Variants in RDX observed in about 807,000 individuals in gnomAD.
RDX encodes the protein deafness, autosomal recessive 24.
Under a neutral mutation model 83.7 loss-of-function variants are expected in RDX, and 32 were observed. That is an observed-to-expected ratio of 0.38 (90% confidence interval 0.29 to 0.51). RDX has a LOEUF of 0.51. Among genes scored for constraint, RDX ranks in the 20% least tolerant of loss-of-function variants. The probability of loss-of-function intolerance (pLI) is 0.87; values close to 1 mark genes in which losing one functional copy is unlikely to be tolerated. For missense variants in RDX, 600 were observed against 689.9 expected (o/e 0.87, Z 1.46); for synonymous variants, 229 against 222.7 (o/e 1.03, Z -0.25).
chr11:110,186,936 G>A (rs1862999593), intron 15 of RDX, among the ~76,000 whole-genome samples: 1 of 152,142 alleles, frequency 6.6e-6, no homozygotes, highest in Non-Finnish European at 1.5e-5. Flanking sequence ...AGCAGGGTAG[G>A]GCCCTCCACA....
Position 110,215,048 on chromosome 11 carries a change from AAATATAT to A in RDX, c.1749-15377_1749-15371del, listed in dbSNP as rs975242249. 1.1e-4 allele frequency among the ~76,000 whole-genome samples: 8 copies of A among 74,780 alleles called. No individual in the cohort carries two copies. The South Asian group carries it at 3.2e-3, about 30-fold the overall frequency. 49.1% of individuals were successfully genotyped at this position (74,780 alleles called of 152,430 possible). A position where few individuals can be genotyped will look rare whatever the true frequency, so the allele number is the denominator to read the frequency against. ...TTAGGAGACCTAACAAAAAAAAAAA[AAATATAT>A]ATATATATATATATAATGCTTTCGG... On this transcript the variant is annotated intron_variant, in intron 14 of 15. Transcript: ENST00000528498.
intron 14 of RDX, among the ~76,000 whole-genome samples, chr11:110,223,977 A>G (rs1299704991): frequency 6.6e-6 from 1 of 152,118 alleles, no homozygotes; most frequent in Non-Finnish European, 1.5e-5. Context: ...GTGAGCCGAG[A>G]TAGCGCCATT....
At chr11:110,215,397 TAAATAAATA>T (rs1250254758) in intron 14 of RDX, among the ~76,000 whole-genome samples, 2 of 147,378 alleles carry the variant, frequency 1.4e-5, no homozygotes, top group African/African-American at 5.0e-5. Context: ...AATAAATAAA[TAAATAAATA>T]AATAAAATAA....
At chr11:110,218,385 T>C (rs757729000) in intron 14 of RDX, among the ~76,000 whole-genome samples, 1 of 152,240 alleles carries the variant, frequency 6.6e-6, no homozygotes, top group Non-Finnish European at 1.5e-5. Context: ...GTGGCACTGG[T>C]GGTCACATGC....
At chr11:110,247,352 C>T (rs186785847) in intron 10 of RDX, among the ~76,000 whole-genome samples, 73 of 152,192 alleles carry the variant, frequency 4.8e-4, no homozygotes, top group African/African-American at 1.7e-3. Flanking sequence ...TAAAGCATTG[C>T]ATACTTTTCT....
chr11:110,295,562 A>G lies in RDX; in HGVS notation c.-65+905T>C, dbSNP rs937854870. 6.1e-5 allele frequency among the ~76,000 whole-genome samples: 9 copies of G among 146,442 alleles called. No individual in the cohort carries two copies. In the East Asian group the frequency reaches 1.2e-3, roughly 19 times the overall value. ...CCAACCTAGTAACTACTCTTTAAGG[A>G]AAAAAAAAAACCACCAAATATTGGG... is the stretch of plus-strand genomic sequence containing the variant. On this transcript the variant is annotated intron_variant, in intron 1 of 13. Transcript: ENST00000645495.
intron 1 of RDX, chr11:110,288,359 AC>A (rs1180236145): frequency 6.6e-6 from 1 of 152,230 alleles, no homozygotes; most frequent in Non-Finnish European, 1.5e-5. Flanking sequence ...ACAAAATAAT[AC>A]ACTATCATTT....
intron 9 of RDX, among the ~76,000 whole-genome samples, chr11:110,252,461 A>G (rs1198009642): frequency 6.6e-6 from 1 of 152,248 alleles, no homozygotes; most frequent in Non-Finnish European, 1.5e-5. Flanking sequence ...ACAGTTAGGC[A>G]TACTATAGAG....
downstream of RDX, among the ~76,000 whole-genome samples, chr11:110,226,357 G>C (rs890464059): frequency 6.6e-6 from 1 of 152,166 alleles, no homozygotes; most frequent in African/African-American, 2.4e-5. Context: ...AACATGCTAA[G>C]TGAAATAAAC....
At chr11:110,201,401 A>T (rs1863396271) in intron 14 of RDX, among the ~76,000 whole-genome samples, 2 of 152,274 alleles carry the variant, frequency 1.3e-5, no homozygotes, top group African/African-American at 4.8e-5. Flanking sequence ...AGTAAAGTTA[A>T]TAGATGAAAG....
intron 9 of RDX, among the ~76,000 whole-genome samples, chr11:110,251,433 T>C (rs1412246896): frequency 1.3e-5 from 2 of 152,184 alleles, no homozygotes; most frequent in African/African-American, 4.8e-5. Context: ...ACTGTCATGA[T>C]TTCTTACAAA....
chr11:110,274,234 C>T (rs1308932017), intron 2 of RDX, among the ~76,000 whole-genome samples: 1 of 152,110 alleles, frequency 6.6e-6, no homozygotes, highest in Non-Finnish European at 1.5e-5. Flanking sequence ...AATCTACCAT[C>T]CAACTGAATA....
intron 3 of RDX, among the ~76,000 whole-genome samples, chr11:110,266,369 T>C (rs1860051483): frequency 6.6e-6 from 1 of 151,264 alleles, no homozygotes; most frequent in South Asian, 2.1e-4. Context: ...GTAAATAAAG[T>C]GGTGGAGTTA....
At chr11:110,286,896 G>C (rs1223052882) in intron 1 of RDX, 1 of 152,078 alleles carries the variant, frequency 6.6e-6, no homozygotes, top group Admixed American at 6.5e-5. Context: ...CTCTTTCTAA[G>C]AAAAGTATTT....
At chr11:110,221,257 AG>A (rs1341288047) in intron 14 of RDX, among the ~76,000 whole-genome samples, 2 of 152,138 alleles carry the variant, frequency 1.3e-5, no homozygotes, top group Non-Finnish European at 2.9e-5. Flanking sequence ...GACAAATCCT[AG>A]GCTGTACCCC....
chr11:110,241,025 C>T (rs1297615050), intron 10 of RDX, among the ~76,000 whole-genome samples: 11 of 127,676 alleles, frequency 8.6e-5, no homozygotes, highest in African/African-American at 3.2e-4. Context: ...CACTGCACTC[C>T]AGCCTGGGCG....
At position 110,257,916 on chromosome 11, in the gene RDX, G is replaced by C; in HGVS notation, c.552-3C>G. 6.2e-7 allele frequency: 1 copy of C among 1,610,698 alleles called. No individual in the cohort carries two copies. Among genetic ancestry groups the C allele is most frequent in the Non-Finnish European group, 8.5e-7 (1 of 1,177,444 alleles). On this transcript the variant is annotated splice_region_variant and splice_polypyrimidine_tract_variant and intron_variant, in intron 6 of 13. Transcript: ENST00000645495. ...GGTATTCCATCATAGAATCCTCCCT[G>C]TTGAAATAAAACTAAATGTAATATA... is the stretch of plus-strand genomic sequence containing the variant.
At chr11:110,211,284 C>A (rs542670360) in intron 14 of RDX, among the ~76,000 whole-genome samples, 1 of 152,326 alleles carries the variant, frequency 6.6e-6, no homozygotes, top group East Asian at 1.9e-4. Flanking sequence ...GAAGAGCTAA[C>A]TATCCTAAAT....
intron 14 of RDX, among the ~76,000 whole-genome samples, chr11:110,208,697 G>A (rs937467261): frequency 2.6e-5 from 4 of 152,056 alleles, no homozygotes; most frequent in Admixed American, 1.3e-4. Flanking sequence ...GGAGGTTAAC[G>A]CCTATAATCC....
Sources: gnomAD v4.1 joint callset for allele counts (sites outside exome capture counted in the v4.1 genomes callset) on GRCh38, gnomAD v4.1.1 for gene constraint, MANE v1.5 for transcripts, NCBI Gene and HGNC (gene_info 2026-07-23, HGNC 2026-07-21) for gene names.